SKAP2: variants seen among roughly 807,000 people sequenced by gnomAD.
SKAP2 encodes the protein src kinase associated phosphoprotein 2.
SKAP2 carries 28 observed loss-of-function variants against 54.9 expected under a neutral mutation model. That is an observed-to-expected ratio of 0.51 (90% CI 0.38 to 0.70). The LOEUF (loss-of-function observed/expected upper bound fraction) is 0.70, where lower values mean the gene tolerates loss of function less well. Among genes scored for constraint, SKAP2 ranks in the 30% least tolerant of loss-of-function variants. The pLI is 0.00. For synonymous variants in SKAP2, 137 were observed against 134.3 expected (o/e 1.02, Z -0.14); for missense variants, 356 against 424.1 (o/e 0.84, Z 1.41).
chr7:26,863,967 A>C (rs1490216504), intron 1 of SKAP2, among the ~76,000 whole-genome samples: 2 of 151,146 alleles, frequency 1.3e-5, no homozygotes, highest in African/African-American at 4.9e-5. Flanking sequence ...TACTTATTTG[A>C]CTTCTGCTCC....
chr7:26,828,594 G>A (rs972744029), intron 4 of SKAP2, among the ~76,000 whole-genome samples: 16 of 149,618 alleles, frequency 1.1e-4, no homozygotes, highest in African/African-American at 3.9e-4. Context: ...GGAGAATGGC[G>A]TGAACCTGGG....
intron 4 of SKAP2, among the ~76,000 whole-genome samples, chr7:26,747,823 T>C (rs1367583028): frequency 6.8e-6 from 1 of 147,974 alleles, no homozygotes; most frequent in Non-Finnish European, 1.5e-5. Context: ...CTCTCCTCTC[T>C]TCTCCTCTCC....
At chr7:26,808,122 T>A (rs1377878848) in intron 4 of SKAP2, among the ~76,000 whole-genome samples, 1 of 152,182 alleles carries the variant, frequency 6.6e-6, no homozygotes, top group Non-Finnish European at 1.5e-5. Context: ...TAATCTGCTA[T>A]ACAGCAATAA....
intron 4 of SKAP2, among the ~76,000 whole-genome samples, chr7:26,771,986 A>G (rs2127975252): frequency 6.6e-6 from 1 of 152,328 alleles, no homozygotes; most frequent in Non-Finnish European, 1.5e-5. Flanking sequence ...CTGGAAGATC[A>G]TTATTTAATA....
chr7:26,817,054 T>G (rs1784279171), intron 4 of SKAP2, among the ~76,000 whole-genome samples: 1 of 152,142 alleles, frequency 6.6e-6, no homozygotes, highest in Admixed American at 6.5e-5. Context: ...TATGCATACT[T>G]CAAATAGCTT....
At chr7:26,656,717 G>A in the SKAP2 span, among the ~76,000 whole-genome samples, 3 of 152,198 alleles carry the variant, frequency 2.0e-5, no homozygotes, top group Non-Finnish European at 2.9e-5. Context: ...AACTGGGTTT[G>A]AGAATGAGCA....
At chr7:26,757,340 A>T (rs556416158) in intron 4 of SKAP2, among the ~76,000 whole-genome samples, 25 of 152,186 alleles carry the variant, frequency 1.6e-4, no homozygotes, top group South Asian at 6.2e-4. Context: ...ATCTTGAATT[A>T]ATTTTTGTAC....
intron 10 of SKAP2, among the ~76,000 whole-genome samples, chr7:26,687,527 G>T (rs1032227209): frequency 6.6e-6 from 1 of 151,822 alleles, no homozygotes; most frequent in East Asian, 1.9e-4. Context: ...AGAAAAAATC[G>T]TAAGTAGGGG....
chr7:26,798,994 G>C (rs1418939905), intron 4 of SKAP2, among the ~76,000 whole-genome samples: 1 of 130,564 alleles, frequency 7.7e-6, no homozygotes, highest in East Asian at 2.5e-4. Flanking sequence ...GACAAGAAAG[G>C]AAACAAAGGA....
At chr7:26,714,411 TAA>T (rs1019579691) in intron 9 of SKAP2, among the ~76,000 whole-genome samples, 3 of 152,316 alleles carry the variant, frequency 2.0e-5, no homozygotes, top group African/African-American at 7.2e-5. Context: ...GAAGTTCTAA[TAA>T]AGAGGAAAAC....
intron 4 of SKAP2, among the ~76,000 whole-genome samples, chr7:26,765,954 C>A (rs566440570): frequency 6.6e-6 from 1 of 152,156 alleles, no homozygotes; most frequent in Admixed American, 6.5e-5. Flanking sequence ...GCTATGCGGG[C>A]CCTTTTTTGG....
At chr7:26,824,097 AGAATCAATCAAT>A (rs70946233) in intron 4 of SKAP2, among the ~76,000 whole-genome samples, 10 of 150,970 alleles carry the variant, frequency 6.6e-5, no homozygotes, top group African/African-American at 2.4e-4. Flanking sequence ...CATGGAAAGA[AGAATCAATCAAT>A]GAATCAATCA....
chr7:26,749,381 C>T (rs370261319), intron 4 of SKAP2, among the ~76,000 whole-genome samples: 5 of 152,094 alleles, frequency 3.3e-5, no homozygotes, highest in East Asian at 3.8e-4. Context: ...GAAACATAAA[C>T]TCAACTTCAC....
intron 4 of SKAP2, among the ~76,000 whole-genome samples, chr7:26,768,522 C>A (rs1166984959): frequency 6.6e-6 from 1 of 151,992 alleles, no homozygotes; most frequent in African/African-American, 2.4e-5. Flanking sequence ...GTTATTTTGC[C>A]CATTAGTTGA....
intron 4 of SKAP2, among the ~76,000 whole-genome samples, chr7:26,743,425 G>C (rs1459957343): frequency 6.6e-6 from 1 of 152,118 alleles, no homozygotes. Flanking sequence ...AACTATACAA[G>C]TTAAGCATTG....
In SKAP2 at chr7:26,859,412, T is replaced by C. The variant is rs111572053; in HGVS notation, c.68-4522A>G. Among the ~76,000 whole-genome samples the C allele has an allele frequency of 8.1e-4, 124 of 152,324 alleles. 1 individual carries two copies. Among genetic ancestry groups the C allele is most frequent in the African/African-American group, 2.8e-3 (118 of 41,574 alleles). ...ATGCCCAAAGTTGGAAAATGGCTAATTGAAAAGTTATTGATTGTTCTAACT... is the reference window on the plus strand; with the variant it reads ...ATGCCCAAAGTTGGAAAATGGCTAACTGAAAAGTTATTGATTGTTCTAACT... On this transcript the variant is annotated intron_variant, in intron 1 of 12. Transcript: ENST00000345317.
chr7:26,829,120 C>A (rs1216987725), intron 4 of SKAP2, among the ~76,000 whole-genome samples: 1 of 152,084 alleles, frequency 6.6e-6, no homozygotes, highest in Non-Finnish European at 1.5e-5. Flanking sequence ...TTCAAGGATA[C>A]CATCAAGAAA....
In SKAP2 at chr7:26,726,893, G is replaced by A. The variant is rs1244594951; in HGVS notation, c.583C>T (p.Arg195Cys). The stretch of plus-strand genomic sequence containing the variant: ...ATAAAAACTACAACCTGATATATAC[G>A]TTTATCAGGAGCAGAGATTTCAAAA... Reference protein sequence around the residue: ...CCFEISAPDKRIYQFTAASPK... With the variant: ...CCFEISAPDKCIYQFTAASPK... The change falls in exon 7 of 13, where the codon CGT becomes TGT. Residue 195 changes from arginine to cysteine, a missense_variant. By Grantham distance (180) the Arg-to-Cys change is radical. Coordinates refer to ENST00000345317, the MANE Select transcript of SKAP2 (RefSeq NM_003930.5). 2.5e-6 allele frequency: 4 copies of A among 1,607,488 alleles called. No individual in the cohort carries two copies. Among genetic ancestry groups the A allele is most frequent in the Non-Finnish European group, 3.4e-6 (4 of 1,176,928 alleles).
chr7:26,687,894 T>C (rs927409826), intron 10 of SKAP2, among the ~76,000 whole-genome samples: 2 of 152,116 alleles, frequency 1.3e-5, no homozygotes, highest in African/African-American at 4.8e-5. Flanking sequence ...TGGATTAATT[T>C]TCCTATTCTA....
Sources: gnomAD v4.1 joint callset for allele counts (sites outside exome capture counted in the v4.1 genomes callset) on GRCh38, gnomAD v4.1.1 for gene constraint, MANE v1.5 for transcripts, NCBI Gene and HGNC (gene_info 2026-07-23, HGNC 2026-07-21) for gene names.